The following NCOR2 variants were observed in gnomAD, a reference collection of about 807,000 sequenced individuals.
The protein encoded by NCOR2 is nuclear receptor corepressor 2.
NCOR2 carries 81 observed loss-of-function variants against 262.9 expected under a neutral mutation model. The ratio of observed to expected loss-of-function variants is 0.31; its 90% CI spans 0.26 to 0.37. The LOEUF is 0.37. Ranked by LOEUF, NCOR2 falls within the 10% of genes least tolerant of loss-of-function variation. NCOR2 has a pLI of 1.00. For synonymous variants in NCOR2, 1,659 were observed against 1,559.3 expected (o/e 1.06, Z -1.51); for missense variants, 3,385 against 3,621.4 (o/e 0.93, Z 1.68).
At chr12:124,488,646 G>A (rs951161482) in intron 1 of NCOR2, among the ~76,000 whole-genome samples, 11 of 152,346 alleles carry the variant, frequency 7.2e-5, no homozygotes, top group African/African-American at 1.4e-4. Context: ...AGTGGAGGAG[G>A]CCACTGGGCT....
exon 43 of NCOR2, chr12:124,332,430 G>A (rs2035275916): frequency 6.2e-7 from 1 of 1,614,086 alleles, no homozygotes; most frequent in Non-Finnish European, 8.5e-7. Context: ...AAGGCTGGCG[G>A]CTGGCTGGTG....
chr12:124,366,421 C>T (rs751348342), intron 20 of NCOR2, among the ~76,000 whole-genome samples: 2 of 152,084 alleles, frequency 1.3e-5, no homozygotes. Context: ...TGAGTGGGTG[C>T]CAGGGCTGGG....
intron 29 of NCOR2, 116 bp from the exon 32 acceptor site, chr12:124,348,027 G>T (rs2037091252): frequency 6.9e-7 from 1 of 1,452,346 alleles, no homozygotes. Context: ...GGTGGAGTAG[G>T]ACCCAGCACG....
In NCOR2 at chr12:124,326,179, C is replaced by T. The variant is rs2034627092; in HGVS notation, c.7363+12G>A. 4 of 1,511,678 alleles carry T rather than the reference C, an allele frequency of 2.6e-6. No individual in the cohort carries two copies. The highest frequency in any genetic ancestry group is 1.4e-5 in the African/African-American group (1 of 71,456). The allele number at this position is 1,511,678 out of a possible 1,614,324, so 93.6% of individuals were successfully genotyped here. On this transcript the variant is annotated intron_variant, in intron 46 of 46. Transcript: ENST00000405201. ...CTCAGCGAGCCCAGCCCTGTCCCCACCTGGTGCCCACCTGCGGACGAGGGC... is the reference window on the plus strand; with the variant it reads ...CTCAGCGAGCCCAGCCCTGTCCCCATCTGGTGCCCACCTGCGGACGAGGGC...
rs1410891647 is a variant in NCOR2 at position 124,389,711 on chromosome 12, C to CT, written c.1877-3825dup. Among the ~76,000 whole-genome samples, 1 of 152,178 alleles carries CT rather than the reference C, an allele frequency of 6.6e-6. No individual in the cohort carries two copies. Among genetic ancestry groups the CT allele is most frequent in the Non-Finnish European group, 1.5e-5 (1 of 68,040 alleles). On this transcript the variant is annotated intron_variant, in intron 16 of 46. Coordinates refer to ENST00000405201, the Ensembl canonical transcript of NCOR2. This position sits in a 1 kb window ranked among gnomAD's most constrained non-coding sequence, Gnocchi z 4.4. ...GGAGGGATCCCGGGATTTGAGGAGC[C>CT]TTTGCAGGGTGCACATGAGACCGCC...
chr12:124,462,307 T>C (rs1362784145), intron 5 of NCOR2, among the ~76,000 whole-genome samples: 1 of 152,154 alleles, frequency 6.6e-6, no homozygotes, highest in Admixed American at 6.5e-5. Flanking sequence ...CACACTGGCT[T>C]CCTCATCTGC....
Position 124,389,720 on chromosome 12 carries a change from G to T in NCOR2, c.1877-3833C>A, listed in dbSNP as rs188491492. On this transcript the variant is annotated intron_variant, in intron 16 of 46. Coordinates refer to ENST00000405201, the Ensembl canonical transcript of NCOR2. The surrounding 1 kb of genome is among the most constrained non-coding windows in gnomAD (Gnocchi z 4.4). ...CCGGGATTTGAGGAGCCTTTGCAGG[G>T]TGCACATGAGACCGCCAACCATTTA... Among the ~76,000 whole-genome samples, 81 of 152,310 alleles carry T rather than the reference G, an allele frequency of 5.3e-4. No individual in the cohort carries two copies. Among genetic ancestry groups the T allele is most frequent in the African/African-American group, 1.6e-3 (68 of 41,568 alleles).
At chr12:124,465,927 C>T (rs2046391214) in intron 5 of NCOR2, among the ~76,000 whole-genome samples, 1 of 152,200 alleles carries the variant, frequency 6.6e-6, no homozygotes, top group African/African-American at 2.4e-5. Flanking sequence ...TGTGTTGCAT[C>T]CTGCTGACCA....
intron 1 of NCOR2, among the ~76,000 whole-genome samples, chr12:124,501,061 C>T (rs1692065): frequency 0.56 from 74,748 of 134,116 alleles, 19,672 homozygotes; most frequent in South Asian, 0.68. Flanking sequence ...CGCGCACGCG[C>T]GCACACACAC....
At chr12:124,371,753 T>A (rs2039540578) in intron 20 of NCOR2, among the ~76,000 whole-genome samples, 1 of 152,028 alleles carries the variant, frequency 6.6e-6, no homozygotes, top group East Asian at 1.9e-4. Flanking sequence ...CCTGGCACAC[T>A]CTCTCCCTAG....
chr12:124,326,201 G>C, exon 46 of NCOR2: 3 of 1,531,526 alleles, frequency 2.0e-6, no homozygotes, highest in Non-Finnish European at 2.6e-6. Flanking sequence ...CTGCGGACGA[G>C]GGCCTGTCCT....
At chr12:124,407,116 A>G (rs765308174) in intron 13 of NCOR2, among the ~76,000 whole-genome samples, 1 of 152,130 alleles carries the variant, frequency 6.6e-6, no homozygotes, top group Admixed American at 6.5e-5. Flanking sequence ...CCTCCTCCCT[A>G]TGCCCATTTA....
At chr12:124,422,706 A>C in intron 11 of NCOR2, 151 bp from the exon 14 acceptor site, 1 of 543,684 alleles carries the variant, frequency 1.8e-6, no homozygotes, top group Non-Finnish European at 3.2e-6. Context: ...GGGTGTGGGA[A>C]GGGCTGCTGC....
intron 20 of NCOR2, 115 bp from the exon 23 acceptor site, chr12:124,363,914 G>A: frequency 1.1e-6 from 1 of 888,600 alleles, no homozygotes; most frequent in Non-Finnish European, 1.5e-6. Flanking sequence ...CGAGGCTAAG[G>A]CCCTGAGACA....
At chr12:124,415,307 G>T (rs2042798971) in intron 13 of NCOR2, among the ~76,000 whole-genome samples, 1 of 152,244 alleles carries the variant, frequency 6.6e-6, no homozygotes, top group Non-Finnish European at 1.5e-5. Context: ...GGGGCAGACT[G>T]ATCAGCAGTG....
intron 44 of NCOR2, among the ~76,000 whole-genome samples, chr12:124,330,014 CT>C (rs1392584582): frequency 6.6e-6 from 1 of 152,222 alleles, no homozygotes; most frequent in Non-Finnish European, 1.5e-5. Flanking sequence ...CGCTGACCCC[CT>C]GATAATATCT....
chr12:124,499,585 GCTTGGGGGTGAGCC>G (rs2048579537), upstream of NCOR2, among the ~76,000 whole-genome samples: 1 of 152,246 alleles, frequency 6.6e-6, no homozygotes, highest in African/African-American at 2.4e-5. Context: ...GTGAGCGCAG[GCTTGGGGGTGAGCC>G]CCCGCCAGGC....
At chr12:124,392,245 G>A (rs148279012) in intron 16 of NCOR2, among the ~76,000 whole-genome samples, 1 of 152,326 alleles carries the variant, frequency 6.6e-6, no homozygotes, top group East Asian at 1.9e-4. Flanking sequence ...GGTGCTGACA[G>A]GAGCAAGAGT....
chr12:124,419,284 T>C (rs1332583038), intron 13 of NCOR2, among the ~76,000 whole-genome samples: 4 of 152,158 alleles, frequency 2.6e-5, no homozygotes. Context: ...CTGTACGCCA[T>C]ACACTTTTGG....
Sources: allele counts gnomAD v4.1 joint callset (sites outside exome capture counted in the v4.1 genomes callset), GRCh38; gene constraint gnomAD v4.1.1; non-coding constraint Gnocchi (gnomAD v3.1); transcripts MANE v1.5; gene names NCBI Gene and HGNC (gene_info 2026-07-23, HGNC 2026-07-21).